Variants in ZNF469 observed in about 807,000 individuals in gnomAD.
The protein encoded by ZNF469 is zinc finger protein 469.
Under a neutral mutation model 1.0 loss-of-function variants are expected in ZNF469, and 1 was observed. That is an observed-to-expected ratio of 1.00 (90% CI 0.35 to 4.73). ZNF469 has a LOEUF of 4.73. Ranked by LOEUF, ZNF469 falls within the 30% of genes most tolerant of loss-of-function variation. The pLI is 0.16. For missense variants in ZNF469, 6,100 were observed against 5,356.3 expected (o/e 1.14, Z -4.33); for synonymous variants, 2,703 against 2,363.4 (o/e 1.14, Z -4.17).
At chr16:88,414,336 A>C (rs552690813) in intron 1 of ZNF469, among the ~76,000 whole-genome samples, 92 of 152,338 alleles carry the variant, frequency 6.0e-4, no homozygotes, top group African/African-American at 2.1e-3. Context: ...GCATCGGGAA[A>C]CGGGAACAAA....
At chr16:88,225,571 C>T in the ZNF469 span, among the ~76,000 whole-genome samples, 3 of 150,738 alleles carry the variant, frequency 2.0e-5, no homozygotes, top group African/African-American at 4.9e-5. Context: ...CGCCCATGCC[C>T]TCTGCCGCAG....
At chr16:88,412,646 G>C (rs913763190) in intron 1 of ZNF469, among the ~76,000 whole-genome samples, 2 of 152,124 alleles carry the variant, frequency 1.3e-5, no homozygotes, top group African/African-American at 4.8e-5. Flanking sequence ...AGGGCAGTCT[G>C]TCTCACCCAC....
At chr16:88,234,513 C>T in the ZNF469 span, among the ~76,000 whole-genome samples, 17 of 152,234 alleles carry the variant, frequency 1.1e-4, no homozygotes, top group Non-Finnish European at 2.2e-4. Flanking sequence ...CATCTCGCAG[C>T]GCAGACCGGG....
the ZNF469 span, among the ~76,000 whole-genome samples, chr16:88,374,739 G>GCGCCGTGTGCGGTGGGCTGAGCTCGA: frequency 6.6e-6 from 1 of 152,200 alleles, no homozygotes; most frequent in Non-Finnish European, 1.5e-5. Flanking sequence ...GCTGAGCTCG[G>GCGCCGTGTGCGGTGGGCTGAGCTCGA]CGCCGTGTGC....
the ZNF469 span, among the ~76,000 whole-genome samples, chr16:88,183,544 G>A: frequency 6.6e-6 from 1 of 152,144 alleles, no homozygotes; most frequent in Non-Finnish European, 1.5e-5. Flanking sequence ...TCCATCCTGT[G>A]GGAGTCACTC....
the ZNF469 span, among the ~76,000 whole-genome samples, chr16:88,348,740 C>G: frequency 6.6e-6 from 1 of 152,176 alleles, no homozygotes; most frequent in African/African-American, 2.4e-5. Flanking sequence ...GGGAGCCTGC[C>G]TCAGCCGCCC....
At chr16:88,150,881 C>T in the ZNF469 span, among the ~76,000 whole-genome samples, 36,264 of 152,024 alleles carry the variant, frequency 0.24, 4,949 homozygotes, top group East Asian at 0.52. Context: ...CGTCATTCAT[C>T]TCTCGCCACG....
the ZNF469 span, among the ~76,000 whole-genome samples, chr16:88,296,893 C>T: frequency 2.0e-5 from 3 of 152,230 alleles, no homozygotes; most frequent in Non-Finnish European, 4.4e-5. Context: ...AGAAGGACAG[C>T]CCTGGTGCAG....
intron 1 of ZNF469, among the ~76,000 whole-genome samples, chr16:88,419,270 C>T (rs915632224): frequency 4.6e-5 from 7 of 152,184 alleles, no homozygotes; most frequent in African/African-American, 1.4e-4. Context: ...TGACACAGCT[C>T]GGACAGGATC....
the ZNF469 span, among the ~76,000 whole-genome samples, chr16:88,175,939 A>G: frequency 6.6e-6 from 1 of 152,224 alleles, no homozygotes; most frequent in Admixed American, 6.5e-5. Context: ...GAATTATCCT[A>G]CCTTAATCTG....
chr16:88,159,471 T>G, the ZNF469 span, among the ~76,000 whole-genome samples: 4 of 152,098 alleles, frequency 2.6e-5, no homozygotes, highest in Middle Eastern at 3.4e-3. Flanking sequence ...CGTGTCCATG[T>G]GGTGCACGGA....
At chr16:88,359,352 G>A in the ZNF469 span, among the ~76,000 whole-genome samples, 359 of 148,320 alleles carry the variant, frequency 2.4e-3, no homozygotes, top group African/African-American at 7.5e-3. Context: ...GAGCGTCCCG[G>A]GGGCTTGGTA....
At chr16:88,396,200 G>A (rs1429186574) in intron 1 of ZNF469, among the ~76,000 whole-genome samples, 1 of 152,258 alleles carries the variant, frequency 6.6e-6, no homozygotes, top group Non-Finnish European at 1.5e-5. Context: ...CTTGGCTTGT[G>A]ATACTGAAAG....
chr16:88,358,051 G>T, the ZNF469 span, among the ~76,000 whole-genome samples: 1 of 152,244 alleles, frequency 6.6e-6, no homozygotes, highest in African/African-American at 2.4e-5. Flanking sequence ...CGGGGGGCTG[G>T]GCCAGATGGC....
At chr16:88,386,893 C>G (rs1041987264) in intron 1 of ZNF469, among the ~76,000 whole-genome samples, 1 of 152,316 alleles carries the variant, frequency 6.6e-6, no homozygotes, top group East Asian at 1.9e-4. Flanking sequence ...GCCACTCCCT[C>G]CCCGTGCTCA....
the ZNF469 span, among the ~76,000 whole-genome samples, chr16:88,161,290 G>A: frequency 6.9e-3 from 1,048 of 152,306 alleles, 13 homozygotes; most frequent in African/African-American, 0.024. Flanking sequence ...TCCCTAAACG[G>A]TGACGATCTG....
At chr16:88,143,507 G>A in the ZNF469 span, among the ~76,000 whole-genome samples, 1 of 152,038 alleles carries the variant, frequency 6.6e-6, no homozygotes, top group African/African-American at 2.4e-5. Flanking sequence ...AACTGGAAGT[G>A]GGGATCACCC....
the ZNF469 span, among the ~76,000 whole-genome samples, chr16:88,155,066 C>T: frequency 1.3e-5 from 2 of 152,194 alleles, no homozygotes; most frequent in East Asian, 3.9e-4. Context: ...ACCAGCAGAC[C>T]CGGGCACCAC....
intron 1 of ZNF469, among the ~76,000 whole-genome samples, chr16:88,395,698 G>C (rs1175094330): frequency 6.6e-6 from 1 of 152,134 alleles, no homozygotes; most frequent in Non-Finnish European, 1.5e-5. Flanking sequence ...AGGGCTGTGT[G>C]ACCAGCAAGG....
Sources: allele counts gnomAD v4.1 joint callset (sites outside exome capture counted in the v4.1 genomes callset), GRCh38; gene constraint gnomAD v4.1.1; transcripts MANE v1.5; gene names NCBI Gene and HGNC (gene_info 2026-07-23, HGNC 2026-07-21).